Variants in PIEZO1 observed in about 807,000 individuals in gnomAD.
PIEZO1 encodes piezo type mechanosensitive ion channel component 1 (Er blood group).
PIEZO1 carries 296 observed loss-of-function variants against 297.2 expected under a neutral mutation model. The ratio of observed to expected loss-of-function variants is 1.00; its 90% CI spans 0.91 to 1.10. PIEZO1 has a LOEUF of 1.10. PIEZO1 is among the 50% of genes least tolerant of loss of function. PIEZO1 has a pLI of 0.00. For synonymous variants in PIEZO1, 2,427 were observed against 1,507.5 expected, an observed-to-expected ratio of 1.61 and a Z score of -14.13; for missense variants, 5,018 against 3,455.5, an observed-to-expected ratio of 1.45 and a Z score of -11.34.
Position 88,737,605 on chromosome 16 carries a change from G to A in PIEZO1, c.1149C>T (p.Cys383=). The A allele has an allele frequency of 6.5e-7, 1 of 1,534,898 alleles. No homozygotes were observed. Among genetic ancestry groups the A allele is most frequent in the Non-Finnish European group, 8.7e-7 (1 of 1,146,554 alleles). The change falls in exon 10 of 51, where the codon TGC becomes TGT. Residue 383 remains cysteine (C), a synonymous_variant. Coordinates refer to ENST00000301015, the MANE Select transcript of PIEZO1 (RefSeq NM_001142864.4). ...PTAPDTEADN[C]IVHELTGQSS... ...TCTGGCCGGTCAGCTCGTGCACGATGCAGTTATCAGCCTCGGTGTCGGGTG... is the reference window on the plus strand; with the variant it reads ...TCTGGCCGGTCAGCTCGTGCACGATACAGTTATCAGCCTCGGTGTCGGGTG...
At chr16:88,752,245 G>A (rs1298023615) in intron 1 of PIEZO1, among the ~76,000 whole-genome samples, 1 of 152,240 alleles carries the variant, frequency 6.6e-6, no homozygotes, top group Non-Finnish European at 1.5e-5. Flanking sequence ...CACTTTGGGA[G>A]GCCAAGGCAG....
chr16:88,733,140 C>G, intron 19 of PIEZO1, 138 bp downstream of exon 19: 1 of 798,082 alleles, frequency 1.3e-6, no homozygotes, highest in Non-Finnish European at 1.9e-6. Context: ...CCAGGAAGCC[C>G]CCTTGGCGCC....
chr16:88,749,171 C>T (rs538692383), intron 2 of PIEZO1, among the ~76,000 whole-genome samples: 4 of 151,540 alleles, frequency 2.6e-5, no homozygotes, highest in South Asian at 4.2e-4. Flanking sequence ...ACCTGGGAGG[C>T]GAAGCCTGCA....
chr16:88,731,653 G>C (rs1360804685), intron 22 of PIEZO1, 53 bp downstream of exon 22: 4 of 1,408,230 alleles, frequency 2.8e-6, no homozygotes, highest in African/African-American at 1.4e-5. Flanking sequence ...ACACCCCCAC[G>C]GGCATCCACA....
At chr16:88,749,022 G>C (rs1219523890) in intron 2 of PIEZO1, among the ~76,000 whole-genome samples, 5 of 150,936 alleles carry the variant, frequency 3.3e-5, no homozygotes, top group African/African-American at 1.2e-4. Context: ...CGGATCACAA[G>C]GTCAGGAGAT....
intron 12 of PIEZO1, 45 bp downstream of exon 12, chr16:88,736,103 G>A: frequency 6.7e-7 from 1 of 1,500,546 alleles, no homozygotes; most frequent in Non-Finnish European, 8.9e-7. Flanking sequence ...AACCCTGATG[G>A]GTCTGCGCAC....
intron 11 of PIEZO1, 80 bp from the exon 12 acceptor site, chr16:88,736,488 T>G (rs1226124708): frequency 3.4e-6 from 2 of 590,844 alleles, no homozygotes; most frequent in Admixed American, 6.2e-5. Flanking sequence ...CAGAGGGGGC[T>G]GCACAGCTGC....
intron 2 of PIEZO1, chr16:88,742,766 A>C (rs1905771380): frequency 2.8e-6 from 1 of 352,286 alleles, no homozygotes. Flanking sequence ...GAAGCAGAGG[A>C]AATAGACACA....
chr16:88,725,978 G>C, intron 27 of PIEZO1: 1 of 568,558 alleles, frequency 1.8e-6, no homozygotes, highest in South Asian at 2.2e-5. Context: ...GGGCAGTCGT[G>C]ACACCACACA....
chr16:88,750,602 C>G (rs1906339804), intron 1 of PIEZO1, among the ~76,000 whole-genome samples: 1 of 152,204 alleles, frequency 6.6e-6, no homozygotes, highest in South Asian at 2.1e-4. Flanking sequence ...CCGGGGTCTC[C>G]CTGGCACTTG....
intron 2 of PIEZO1, among the ~76,000 whole-genome samples, chr16:88,748,403 C>T (rs1231655367): frequency 6.6e-6 from 1 of 152,270 alleles, no homozygotes; most frequent in Non-Finnish European, 1.5e-5. Flanking sequence ...CGTGGCCTCA[C>T]CGCCCTCTGT....
At chr16:88,745,873 T>C in intron 2 of PIEZO1, 1 of 151,510 alleles carries the variant, frequency 6.6e-6, no homozygotes, top group Non-Finnish European at 1.5e-5. Context: ...AGCATGGACC[T>C]CCCCCAGAGC....
intron 12 of PIEZO1, among the ~76,000 whole-genome samples, chr16:88,735,781 G>A (rs1285144474): frequency 4.6e-5 from 7 of 152,236 alleles, no homozygotes; most frequent in African/African-American, 1.4e-4. Flanking sequence ...TGGTGCCAAT[G>A]GGCAGAGCCC....
At chr16:88,736,937 G>GC in intron 10 of PIEZO1, 198 bp from the exon 11 acceptor site, 1 of 479,106 alleles carries the variant, frequency 2.1e-6, no homozygotes, top group Non-Finnish European at 3.7e-6. Flanking sequence ...GCCAGCACCT[G>GC]CCGTTCTCTG....
At chr16:88,759,728 G>A (rs1290951524) in intron 1 of PIEZO1, among the ~76,000 whole-genome samples, 1 of 152,318 alleles carries the variant, frequency 6.6e-6, no homozygotes, top group South Asian at 2.1e-4. Context: ...GAAGAAGAAG[G>A]CTGGCAAGGT....
At chr16:88,722,729 C>A (rs1043961606) in intron 34 of PIEZO1, 40 bp from the exon 35 acceptor site, 1 of 1,531,154 alleles carries the variant, frequency 6.5e-7, no homozygotes, top group Admixed American at 2.0e-5. Flanking sequence ...GCGTCCAGCT[C>A]TTGTCCCCAC....
intron 1 of PIEZO1, among the ~76,000 whole-genome samples, chr16:88,766,186 T>C (rs974009758): frequency 2.6e-5 from 4 of 152,140 alleles, no homozygotes; most frequent in Non-Finnish European, 5.9e-5. Context: ...TGCAGGTGTT[T>C]TTAAAATGAG....
Position 88,717,042 on chromosome 16 carries a change from A to G in PIEZO1, c.6641T>C (p.Leu2214Pro), listed in dbSNP as rs1912096287. 2 of 1,550,704 alleles carry G rather than the reference A, an allele frequency of 1.3e-6. No individual in the cohort carries two copies. Among genetic ancestry groups the G allele is most frequent in the Non-Finnish European group, 1.7e-6 (2 of 1,146,974 alleles). Residue 2214 changes from leucine (L) to proline (P), a missense_variant, in exon 45 of 51, where the codon CTG becomes CCG. Leu to Pro is a moderately conservative substitution (Grantham distance 98, BLOSUM62 -3). Transcript: ENST00000301015. ...GCTCACCTCATAGCCGCCCAGCTTC[A>G]GGGTGACGGTGACATCGATGGGCTG... ...VNQPIDVTVT[L>P]KLGGYEPLFT...
intron 1 of PIEZO1, among the ~76,000 whole-genome samples, chr16:88,770,174 G>A (rs1302317114): frequency 6.6e-6 from 1 of 152,140 alleles, no homozygotes; most frequent in Non-Finnish European, 1.5e-5. Context: ...CCAAGCCTCG[G>A]TCTGTCGGGA....
Sources: allele counts gnomAD v4.1 joint callset (sites outside exome capture counted in the v4.1 genomes callset), GRCh38; gene constraint gnomAD v4.1.1; transcripts MANE v1.5; gene names NCBI Gene and HGNC (gene_info 2026-07-23, HGNC 2026-07-21).